CREB3: variants seen among roughly 807,000 people sequenced by gnomAD.
CREB3 encodes the protein cAMP responsive element binding protein 3.
In CREB3, 29 loss-of-function variants were observed where a neutral mutation model predicts 34.5. The ratio of observed to expected loss-of-function variants is 0.84; its 90% CI spans 0.63 to 1.15. The LOEUF (loss-of-function observed/expected upper bound fraction) is 1.15, where lower values mean the gene tolerates loss of function less well. CREB3 is among the 50% of genes most tolerant of loss of function. The pLI is 0.00. For synonymous variants in CREB3, 187 were observed against 173.9 expected (o/e 1.08, Z -0.59); for missense variants, 447 against 443.4 (o/e 1.01, Z -0.07).
At chr9:35,733,584 G>A (rs1826136347) in intron 4 of CREB3, 99 bp downstream of exon 4, 2 of 822,558 alleles carry the variant, frequency 2.4e-6, no homozygotes, top group South Asian at 3.2e-5. Context: ...AAAAAGGATT[G>A]AGGTGAGAAA....
In CREB3 at chr9:35,736,378, CTT is replaced by C. The variant is rs761435988; in HGVS notation, c.782-12_782-11del. 5 of 1,613,310 alleles carry C rather than the reference CTT, an allele frequency of 3.1e-6. No homozygotes were observed. Among genetic ancestry groups the C allele is most frequent in the Non-Finnish European group, 4.2e-6 (5 of 1,179,444 alleles). On this transcript the variant is annotated splice_polypyrimidine_tract_variant and intron_variant, in intron 8 of 8. Coordinates refer to ENST00000353704, the MANE Select transcript of CREB3 (RefSeq NM_006368.5). Reference sequence around the variant, plus strand: ...AGGTCTGGGTTGGCCTCTGAAGATTCTTTGTCTCCTCAGTGTTGTCCCGCCAG... The same window carrying C: ...AGGTCTGGGTTGGCCTCTGAAGATTCTGTCTCCTCAGTGTTGTCCCGCCAG...
Position 35,732,946 on chromosome 9 carries a change from G to T in CREB3, c.129+45G>T. 1 of 1,612,984 alleles carries T rather than the reference G, an allele frequency of 6.2e-7. No individual in the cohort carries two copies. The highest frequency in any genetic ancestry group is 8.5e-7 in the Non-Finnish European group (1 of 1,179,208). On this transcript the variant is annotated intron_variant, in intron 1 of 8. Coordinates refer to ENST00000353704, the MANE Select transcript of CREB3 (RefSeq NM_006368.5). The surrounding 1 kb of genome is among the most constrained non-coding windows in gnomAD (Gnocchi z 5.1). ...GGGGAAAGCGTGGGATGTCCATGAA[G>T]TCAGGTGATGGTGATAAGGTCAAGG...
In CREB3 at chr9:35,735,296, TTTCCC is replaced by T. The variant is rs1826179483; in HGVS notation, c.543-9_543-5del. 7 of 1,613,896 alleles carry T rather than the reference TTTCCC, an allele frequency of 4.3e-6. No individual in the cohort carries two copies. The highest frequency in any genetic ancestry group is 5.9e-6 in the Non-Finnish European group (7 of 1,179,854). On this transcript the variant is annotated splice_region_variant and splice_polypyrimidine_tract_variant and intron_variant, in intron 5 of 8. Transcript: ENST00000353704. Reference sequence around the variant, plus strand: ...AGGCCATATCCCCGTATCTTTGTTATTTCCCCCAGGGTCTTGAAATACACAGCCCA... The same window carrying T: ...AGGCCATATCCCCGTATCTTTGTTATCCAGGGTCTTGAAATACACAGCCCA...
In CREB3 at chr9:35,733,498, T is replaced by C. The variant is rs773032383; in HGVS notation, c.435+13T>C. On this transcript the variant is annotated intron_variant, in intron 4 of 8. Coordinates refer to ENST00000353704, the MANE Select transcript of CREB3 (RefSeq NM_006368.5). Reference sequence around the variant, plus strand: ...TCCTCTCACTAAGGTAAGACTCTCATTGGTTGAACAAAGGCTGAAAAGGGA... The same window carrying C: ...TCCTCTCACTAAGGTAAGACTCTCACTGGTTGAACAAAGGCTGAAAAGGGA... 2.5e-6 allele frequency: 4 copies of C among 1,593,838 alleles called. No individual in the cohort carries two copies. Among genetic ancestry groups the C allele is most frequent in the East Asian group, 2.2e-5 (1 of 44,782 alleles).
At chr9:35,733,311 T>A (rs1276063837) in intron 3 of CREB3, 29 bp downstream of exon 3, 1 of 1,613,448 alleles carries the variant, frequency 6.2e-7, no homozygotes, top group Non-Finnish European at 8.5e-7. Flanking sequence ...AGGAGATTAC[T>A]CTCACATTCC....
At position 35,733,432 on chromosome 9, in the gene CREB3, A is replaced by G. The variant is rs370298998; in HGVS notation, c.382A>G (p.Ser128Gly). ...GCTAGTACTGACAGATGAGGAGAAGAGTCTATTGGAGAAGGAGGGGCTTAT... is the reference window on the plus strand; with the variant it reads ...GCTAGTACTGACAGATGAGGAGAAGGGTCTATTGGAGAAGGAGGGGCTTAT... ...ARLVLTDEEKSLLEKEGLILP... is the reference protein window; with the variant it reads ...ARLVLTDEEKGLLEKEGLILP... Residue 128 changes from serine (S) to glycine (G), a missense_variant, in exon 4 of 9, where the codon AGT (serine) becomes GGT (glycine). Coordinates refer to ENST00000353704, the MANE Select transcript of CREB3 (RefSeq NM_006368.5). 104 of 1,613,740 alleles carry G rather than the reference A, an allele frequency of 6.4e-5. No homozygotes were observed. Among genetic ancestry groups the G allele is most frequent in the Non-Finnish European group, 8.3e-5 (98 of 1,179,764 alleles).
In CREB3 at chr9:35,733,498, T is replaced by G; in HGVS notation, c.435+13T>G. On this transcript the variant is annotated intron_variant, in intron 4 of 8. Coordinates refer to ENST00000353704, the MANE Select transcript of CREB3 (RefSeq NM_006368.5). The stretch of plus-strand genomic sequence containing the variant: ...TCCTCTCACTAAGGTAAGACTCTCA[T>G]TGGTTGAACAAAGGCTGAAAAGGGA... 1 of 1,593,836 alleles carries G rather than the reference T, an allele frequency of 6.3e-7. No homozygotes were observed. Among genetic ancestry groups the G allele is most frequent in the Non-Finnish European group, 8.6e-7 (1 of 1,161,732 alleles).
Position 35,733,141 on chromosome 9 carries a change from T to A in CREB3, c.275T>A (p.Leu92Gln). Residue 92 changes from leucine (L) to glutamine (Q), a missense_variant and splice_region_variant, in exon 2 of 9, where the codon CTA becomes CAA. By Grantham distance (113) the Leu-to-Gln change is moderately radical (BLOSUM62 -2). Coordinates refer to ENST00000353704, the MANE Select transcript of CREB3 (RefSeq NM_006368.5). ...SLPRETVSMD[L>Q]ESESCRKEGT... is the part of the protein sequence containing the mutation. ...CCACGGGAAACTGTCTCTATGGATCTAGGTGAGTCTGAAATAAGTTTGCGG... is the reference window on the plus strand; with the variant it reads ...CCACGGGAAACTGTCTCTATGGATCAAGGTGAGTCTGAAATAAGTTTGCGG... The A allele has an allele frequency of 7.4e-6, 12 of 1,614,242 alleles. No individual in the cohort carries two copies. The highest frequency in any genetic ancestry group is 9.3e-6 in the Non-Finnish European group (11 of 1,180,042).
chr9:35,735,079 AATG>A, intron 4 of CREB3, 27 bp from the exon 5 acceptor site: 1 of 1,564,714 alleles, frequency 6.4e-7, no homozygotes, highest in Non-Finnish European at 8.7e-7. Context: ...GAGTTCCTCT[AATG>A]ATATCCCTTT....
intron 6 of CREB3, 87 bp downstream of exon 6, chr9:35,735,461 CT>C: frequency 2.5e-6 from 3 of 1,208,782 alleles, no homozygotes; most frequent in Non-Finnish European, 3.7e-6. Flanking sequence ...TGATTTCTAA[CT>C]GGGCAGCTGC....
Position 35,736,256 on chromosome 9 carries a change from T to C in CREB3, c.726T>C (p.Leu242=), listed in dbSNP as rs376197860. The C allele has an allele frequency of 2.5e-6, 4 of 1,614,054 alleles. No individual in the cohort carries two copies. In the African/African-American group the frequency reaches 5.3e-5, roughly 22 times the overall value. Residue 242 remains leucine (L), a synonymous_variant, in exon 8 of 9, where the codon CTT becomes CTC. Coordinates refer to ENST00000353704, the MANE Select transcript of CREB3 (RefSeq NM_006368.5). ...TACTAGTCTCCTTCTGCCTCCTCCT[T>C]GTACCTGCTATGTACTCCTCTGACA... ...LVLLVSFCLL[L]VPAMYSSDTR... is the part of the protein sequence containing the mutation.
In CREB3 at chr9:35,732,675, C is replaced by G; in HGVS notation, c.-98C>G. The G allele has an allele frequency of 1.3e-6, 2 of 1,485,520 alleles. No homozygotes were observed. The highest frequency in any genetic ancestry group is 1.8e-6 in the Non-Finnish European group (2 of 1,103,904). The allele number at this position is 1,485,520 out of a possible 1,614,324, so 92.0% of individuals were successfully genotyped here. A position where few individuals can be genotyped will look rare whatever the true frequency, so the allele number is the denominator to read the frequency against. ...GCGGGGAATCCCGGCCGTAGAGGGA[C>G]AGTGGATAGGTGCCCGAGGCCTACA... On this transcript the variant is annotated 5_prime_UTR_variant, in exon 1 of 9. Transcript: ENST00000353704. This position sits in a 1 kb window ranked among gnomAD's most constrained non-coding sequence, Gnocchi z 5.1.
intron 4 of CREB3, among the ~76,000 whole-genome samples, chr9:35,734,784 G>A (rs1406342916): frequency 6.6e-6 from 1 of 152,154 alleles, no homozygotes. Flanking sequence ...GTAGAGACAA[G>A]GTCTCACTAT....
chr9:35,736,369 C>T, intron 8 of CREB3, 23 bp from the exon 9 acceptor site: 1 of 1,613,314 alleles, frequency 6.2e-7, no homozygotes, highest in Non-Finnish European at 8.5e-7. Context: ...GGGTTGGCCT[C>T]TGAAGATTCT....
rs1279383564 is a variant in CREB3, at chr9:35,736,261, C to T, written c.731C>T (p.Pro244Leu). Residue 244 changes from proline to leucine, a missense_variant, in exon 8 of 9, where the codon CCT becomes CTT. Transcript: ENST00000353704. The stretch of plus-strand genomic sequence containing the variant: ...GTCTCCTTCTGCCTCCTCCTTGTAC[C>T]TGCTATGTACTCCTCTGACACAAGG... ...LLVSFCLLLV[P>L]AMYSSDTRGS... 6.2e-7 allele frequency: 1 copy of T among 1,614,018 alleles called. No individual in the cohort carries two copies. The highest frequency in any genetic ancestry group is 1.3e-5 in the African/African-American group (1 of 74,906).
chr9:35,733,367 A>C, intron 3 of CREB3, 29 bp from the exon 4 acceptor site: 1 of 1,610,202 alleles, frequency 6.2e-7, no homozygotes, highest in South Asian at 1.1e-5. Flanking sequence ...ATCCCCATGC[A>C]ACTGCCGTCC....
Position 35,736,826 on chromosome 9 carries a change from C to A in CREB3, c.*100C>A. ...CAAGGGCTGGCCGCAGCTCCTGTGC[C>A]CTGTCAGGACGACTGAGGGCTCAAA... On this transcript the variant is annotated 3_prime_UTR_variant, in exon 9 of 9. Coordinates refer to ENST00000353704, the MANE Select transcript of CREB3 (RefSeq NM_006368.5). 1 of 1,123,350 alleles carries A rather than the reference C, an allele frequency of 8.9e-7. No homozygotes were observed. The highest frequency in any genetic ancestry group is 1.3e-6 in the Non-Finnish European group (1 of 783,466). 69.6% of individuals were successfully genotyped at this position (1,123,350 alleles called of 1,614,324 possible).
In CREB3 at chr9:35,736,577, C is replaced by T. The variant is rs1162157218; in HGVS notation, c.967C>T (p.Pro323Ser). The T allele has an allele frequency of 6.2e-7, 1 of 1,614,028 alleles. No homozygotes were observed. The highest frequency in any genetic ancestry group is 8.5e-7 in the Non-Finnish European group (1 of 1,180,040). The change falls in exon 9 of 9, where the codon CCT (proline) becomes TCT (serine). Residue 323 changes from proline to serine, a missense_variant. By Grantham distance (74) the Pro-to-Ser change is moderately conservative. Coordinates refer to ENST00000353704, the MANE Select transcript of CREB3 (RefSeq NM_006368.5). The part of the protein sequence containing the change: ...HYMPQAPSAE[P>S]PLEWPFPDLF... Reference sequence around the variant, plus strand: ...CATGCCTCAGGCTCCCAGTGCAGAGCCTCCCCTGGAGTGGCCATTCCCTGA... The same window carrying T: ...CATGCCTCAGGCTCCCAGTGCAGAGTCTCCCCTGGAGTGGCCATTCCCTGA...
intron 4 of CREB3, among the ~76,000 whole-genome samples, chr9:35,733,877 A>G (rs1826145190): frequency 6.6e-6 from 1 of 152,162 alleles, no homozygotes; most frequent in Non-Finnish European, 1.5e-5. Flanking sequence ...TAAATGTAAA[A>G]TCCTTAGTTT....
Sources: gnomAD v4.1 joint callset for allele counts (sites outside exome capture counted in the v4.1 genomes callset) on GRCh38, gnomAD v4.1.1 for gene constraint, Gnocchi (gnomAD v3.1) non-coding constraint, MANE v1.5 for transcripts, NCBI Gene and HGNC (gene_info 2026-07-23, HGNC 2026-07-21) for gene names.